Variants in NR1H4 observed in about 807,000 individuals in gnomAD.
NR1H4 encodes bile acid receptor.
NR1H4 carries 23 observed loss-of-function variants against 58.5 expected under a neutral mutation model. The ratio of observed to expected loss-of-function variants is 0.39; its 90% CI spans 0.28 to 0.56. The LOEUF is 0.56. NR1H4 is among the 20% of genes least tolerant of loss of function. The pLI is 0.58. For synonymous variants in NR1H4, 214 were observed against 198.0 expected (o/e 1.08, Z -0.68); for missense variants, 487 against 576.9 (o/e 0.84, Z 1.60).
At chr12:100,561,576 G>GT (rs755574752) in intron 9 of NR1H4, among the ~76,000 whole-genome samples, 1 of 152,124 alleles carries the variant, frequency 6.6e-6, no homozygotes, top group South Asian at 2.1e-4. Context: ...AAATGGAGAC[G>GT]TTTTTGAGAT....
intron 4 of NR1H4, among the ~76,000 whole-genome samples, chr12:100,524,119 CA>C (rs1451909317): frequency 6.6e-6 from 1 of 151,762 alleles, no homozygotes. Context: ...TAAATTTAAA[CA>C]AGAAAAAATG....
chr12:100,514,151 T>C (rs1358048897), intron 4 of NR1H4, among the ~76,000 whole-genome samples: 1 of 152,214 alleles, frequency 6.6e-6, no homozygotes, highest in Non-Finnish European at 1.5e-5. Context: ...ATTGGCTTTT[T>C]GCCTTAGGTG....
chr12:100,534,949 G>A lies in NR1H4; in HGVS notation c.658G>A (p.Ala220Thr), dbSNP rs180957965. The A allele has an allele frequency of 6.2e-7, 1 of 1,614,098 alleles. No individual in the cohort carries two copies. The highest frequency in any genetic ancestry group is 1.3e-5 in the African/African-American group (1 of 74,938). ...KRLRKNVKQH[A>T]DQTVNEDSEG... is the part of the protein sequence containing the mutation. ...ACTGAGAAAAAATGTGAAGCAGCATGCAGATCAGACCGTGAATGAAGACAG... is the reference window on the plus strand; with the variant it reads ...ACTGAGAAAAAATGTGAAGCAGCATACAGATCAGACCGTGAATGAAGACAG... Residue 220 changes from alanine (A) to threonine (T), a missense_variant, in exon 6 of 11, where the codon GCA becomes ACA. Transcript: ENST00000392986.
intron 3 of NR1H4, chr12:100,505,713 A>G: frequency 1.6e-6 from 1 of 637,642 alleles, no homozygotes; most frequent in Non-Finnish European, 2.8e-6. Flanking sequence ...AGATTCCTAA[A>G]TCTAAATTTT....
At chr12:100,562,039 TC>T (rs1955487479) in intron 10 of NR1H4, 41 bp downstream of exon 10, 1 of 947,306 alleles carries the variant, frequency 1.1e-6, no homozygotes, top group South Asian at 1.3e-5. Context: ...GCCATTTTTT[TC>T]AGTATACTAG....
intron 9 of NR1H4, among the ~76,000 whole-genome samples, chr12:100,542,685 G>T (rs970613488): frequency 6.6e-6 from 1 of 152,110 alleles, no homozygotes; most frequent in Admixed American, 6.5e-5. Context: ...AGAGATTAGA[G>T]GGAAAGTTTT....
At position 100,503,534 on chromosome 12, in the gene NR1H4, T is replaced by C; in HGVS notation, c.80-7244T>C. On this transcript the variant is annotated intron_variant, in intron 3 of 10. Coordinates refer to ENST00000392986, the MANE Select transcript of NR1H4 (RefSeq NM_001206979.2). ...TCACAGGTGCTTTCAGGTCGAGCTC[T>C]TGCAACTGGACTGAGGAAATCTGGG... The C allele has an allele frequency of 2.6e-6, 4 of 1,543,358 alleles. No homozygotes were observed. The South Asian group carries it at 5.0e-5, about 19-fold the overall frequency.
At chr12:100,494,713 T>C (rs1478515055) in intron 3 of NR1H4, among the ~76,000 whole-genome samples, 3 of 152,248 alleles carry the variant, frequency 2.0e-5, no homozygotes, top group African/African-American at 7.2e-5. Context: ...CCTTCCGTGG[T>C]TCCTCAGAAC....
At chr12:100,508,389 G>A (rs1263728208) in intron 3 of NR1H4, among the ~76,000 whole-genome samples, 1 of 152,134 alleles carries the variant, frequency 6.6e-6, no homozygotes, top group Non-Finnish European at 1.5e-5. Flanking sequence ...TTATGTGCAA[G>A]CGGAGGCCGA....
At chr12:100,522,735 G>A (rs1954458602) in intron 4 of NR1H4, among the ~76,000 whole-genome samples, 5 of 151,988 alleles carry the variant, frequency 3.3e-5, no homozygotes, top group Admixed American at 3.3e-4. Flanking sequence ...AGTCTCTGAA[G>A]TCTATTATAC....
chr12:100,540,909 A>G, intron 9 of NR1H4, 91 bp downstream of exon 9: 3 of 1,200,000 alleles, frequency 2.5e-6, no homozygotes, highest in African/African-American at 3.0e-5. Flanking sequence ...ATCTTATGCA[A>G]TGTTATATGC....
At chr12:100,482,269 C>G (rs922901939) in intron 1 of NR1H4, among the ~76,000 whole-genome samples, 26 of 152,012 alleles carry the variant, frequency 1.7e-4, no homozygotes, top group African/African-American at 5.8e-4. Flanking sequence ...TGTGGGGAAG[C>G]AGACTTAGTT....
chr12:100,518,564 G>T (rs1251709011), intron 4 of NR1H4, among the ~76,000 whole-genome samples: 2 of 152,164 alleles, frequency 1.3e-5, no homozygotes, highest in Admixed American at 6.5e-5. Context: ...CTATGCCAGG[G>T]ATTGGCACAT....
At chr12:100,529,220 C>A (rs1593099557) in intron 4 of NR1H4, among the ~76,000 whole-genome samples, 1 of 152,140 alleles carries the variant, frequency 6.6e-6, no homozygotes, top group East Asian at 1.9e-4. Context: ...CTAACTTTTC[C>A]TTCAGCCTCT....
intron 5 of NR1H4, 55 bp downstream of exon 5, chr12:100,532,665 C>A: frequency 6.6e-7 from 1 of 1,509,088 alleles, no homozygotes. Flanking sequence ...AGGCAGATGT[C>A]AGGTAACTCA....
At chr12:100,551,833 A>C (rs1377889939) in intron 9 of NR1H4, among the ~76,000 whole-genome samples, 1 of 152,206 alleles carries the variant, frequency 6.6e-6, no homozygotes, top group Non-Finnish European at 1.5e-5. Context: ...ATAAAATACA[A>C]CCTTTGTATA....
At chr12:100,510,607 T>TTATATA (rs34480475) in intron 3 of NR1H4, among the ~76,000 whole-genome samples, 171 bp from the exon 4 acceptor site, 2,060 of 133,622 alleles carry the variant, frequency 0.015, 16 homozygotes, top group Middle Eastern at 0.023. Context: ...TCATTTAATT[T>TTATATA]TATATATATA....
At chr12:100,510,663 A>T in intron 3 of NR1H4, 115 bp from the exon 4 acceptor site, 1 of 781,970 alleles carries the variant, frequency 1.3e-6, no homozygotes, top group Non-Finnish European at 2.1e-6. Flanking sequence ...ACTTTTATGT[A>T]GTTAAATGTT....
chr12:100,505,188 A>G (rs1359711619), intron 3 of NR1H4, among the ~76,000 whole-genome samples: 1 of 152,226 alleles, frequency 6.6e-6, no homozygotes, highest in African/African-American at 2.4e-5. Context: ...CCAGGAATGA[A>G]AAACTGGATA....
Sources: gnomAD v4.1 joint callset for allele counts (sites outside exome capture counted in the v4.1 genomes callset) on GRCh38, gnomAD v4.1.1 for gene constraint, MANE v1.5 for transcripts, NCBI Gene and HGNC (gene_info 2026-07-23, HGNC 2026-07-21) for gene names.